SANBR: variants seen among roughly 807,000 people sequenced by gnomAD.
The protein encoded by SANBR is SANT and BTB domain regulator of CSR.
Under a neutral mutation model 101.8 loss-of-function variants are expected in SANBR, and 77 were observed. That is an observed-to-expected ratio of 0.76 (90% CI 0.63 to 0.91). SANBR has a LOEUF of 0.91. Ranked by LOEUF, SANBR falls within the 40% of genes least tolerant of loss-of-function variation. SANBR has a pLI of 0.00. For synonymous variants in SANBR, 279 were observed against 274.7 expected, an observed-to-expected ratio of 1.02 and a Z score of -0.15; for missense variants, 875 against 853.0, an observed-to-expected ratio of 1.03 and a Z score of -0.32.
intron 11 of SANBR, among the ~76,000 whole-genome samples, chr2:61,095,135 G>C (rs1410502643): frequency 1.3e-5 from 2 of 152,114 alleles, no homozygotes; most frequent in Non-Finnish European, 2.9e-5. Flanking sequence ...TAATCTAATA[G>C]GTGTGTAAAG....
chr2:61,096,616 A>G (rs965468103), intron 11 of SANBR, among the ~76,000 whole-genome samples: 2 of 151,916 alleles, frequency 1.3e-5, no homozygotes, highest in East Asian at 1.9e-4. Flanking sequence ...ATCTTGCTAC[A>G]TTGCCCAGGC....
intron 20 of SANBR, among the ~76,000 whole-genome samples, chr2:61,129,443 T>TAA (rs1684616404): frequency 9.1e-6 from 1 of 109,862 alleles, no homozygotes; most frequent in African/African-American, 3.7e-5. Flanking sequence ...AAACTCCATC[T>TAA]CAAAAAAAAA....
chr2:61,131,403 T>G (rs888847013), intron 20 of SANBR, among the ~76,000 whole-genome samples: 2 of 152,048 alleles, frequency 1.3e-5, no homozygotes, highest in African/African-American at 4.8e-5. Flanking sequence ...ATAGTAGCAA[T>G]GAAAAATCTA....
At chr2:61,099,856 A>C (rs76003809) in intron 12 of SANBR, among the ~76,000 whole-genome samples, 1 of 152,236 alleles carries the variant, frequency 6.6e-6, no homozygotes, top group East Asian at 1.9e-4. Flanking sequence ...TGTGGTGCCT[A>C]ATACTGCTAA....
chr2:61,129,706 A>T (rs962350715), intron 20 of SANBR, among the ~76,000 whole-genome samples: 2 of 152,164 alleles, frequency 1.3e-5, no homozygotes, highest in African/African-American at 4.8e-5. Context: ...ATACAGGAAC[A>T]AATGAAGAGA....
At chr2:61,088,983 A>C in intron 10 of SANBR, 1 of 898,158 alleles carries the variant, frequency 1.1e-6, no homozygotes. Context: ...TAAGTGTCAT[A>C]ATGTTTTACA....
At position 61,082,364 on chromosome 2, in the gene SANBR, C is replaced by T. The variant is rs189910389; in HGVS notation, c.730-790C>T. On this transcript the variant is annotated intron_variant, in intron 7 of 21. Coordinates refer to ENST00000402291, the MANE Select transcript of SANBR (RefSeq NM_001129993.3). ...ATTTGGAAGAATACATGATTATCCT[C>T]TCTTTACTTTTAAAGTAAATAAACA... 1.7e-4 allele frequency among the ~76,000 whole-genome samples: 26 copies of T among 152,258 alleles called. 1 individual carries two copies. The highest frequency in any genetic ancestry group is 1.6e-3 in the Admixed American group (24 of 15,290).
chr2:61,095,850 GTCCAAGGTTTCAC>G (rs1485951297), intron 11 of SANBR, among the ~76,000 whole-genome samples: 1 of 152,102 alleles, frequency 6.6e-6, no homozygotes, highest in East Asian at 1.9e-4. Context: ...CCTCCATCCA[GTCCAAGGTTTCAC>G]TTTTTCACCT....
rs1461820331 is a variant in SANBR at position 61,122,227 on chromosome 2, C to A, written c.*65C>A. ...TCTGGACATCTGAAATTGCTCACTT[C>A]TTGAAGATCTTCAGAACAATGACTT... On this transcript the variant is annotated 3_prime_UTR_variant, in exon 22 of 22. Transcript: ENST00000402291. The A allele has an allele frequency of 7.3e-6, 11 of 1,496,640 alleles. No homozygotes were observed. The East Asian group carries it at 2.5e-4, about 33-fold the overall frequency. 92.7% of individuals were successfully genotyped at this position (1,496,640 alleles called of 1,614,324 possible).
At chr2:61,083,550 C>T (rs1423982364) in intron 8 of SANBR, among the ~76,000 whole-genome samples, 34 of 146,958 alleles carry the variant, frequency 2.3e-4, no homozygotes, top group Non-Finnish European at 3.9e-4. Flanking sequence ...GAATGCACCA[C>T]CATGCCCAGC....
At chr2:61,066,672 C>G (rs1210938255) in intron 1 of SANBR, among the ~76,000 whole-genome samples, 4 of 152,232 alleles carry the variant, frequency 2.6e-5, no homozygotes, top group Non-Finnish European at 5.9e-5. Context: ...CTCTTCCCAT[C>G]TTTCCACTGG....
chr2:61,103,491 G>C (rs1377063343), intron 12 of SANBR, among the ~76,000 whole-genome samples: 1 of 152,140 alleles, frequency 6.6e-6, no homozygotes, highest in Non-Finnish European at 1.5e-5. Context: ...GTTTAGGAAT[G>C]CATCCTTAAG....
intron 17 of SANBR, 76 bp from the exon 18 acceptor site, chr2:61,117,281 T>C (rs1199002201): frequency 1.7e-5 from 23 of 1,347,840 alleles, no homozygotes; most frequent in Non-Finnish European, 2.4e-5. Context: ...AAGAGTGAAC[T>C]CTTTTTATTA....
intron 16 of SANBR, among the ~76,000 whole-genome samples, chr2:61,111,956 G>T (rs1683849235): frequency 6.6e-6 from 1 of 152,064 alleles, no homozygotes; most frequent in African/African-American, 2.4e-5. Context: ...CCAATTTCAT[G>T]GGCATATGGG....
chr2:61,122,444 C>G lies in SANBR; in HGVS notation c.*282C>G. On this transcript the variant is annotated 3_prime_UTR_variant, in exon 22 of 22. Coordinates refer to ENST00000402291, the MANE Select transcript of SANBR (RefSeq NM_001129993.3). ...CATAGTTGAGACTCCCAGTGTTTTC[C>G]TTTATTTATTTGAAAAAGAAAGGCC... 1 of 1,125,892 alleles carries G rather than the reference C, an allele frequency of 8.9e-7. No individual in the cohort carries two copies. The highest frequency in any genetic ancestry group is 1.1e-6 in the Non-Finnish European group (1 of 921,584). The allele number at this position is 1,125,892 out of a possible 1,614,324, so 69.7% of individuals were successfully genotyped here.
chr2:61,126,629 C>T (rs1192331307), downstream of SANBR, among the ~76,000 whole-genome samples: 1 of 152,078 alleles, frequency 6.6e-6, no homozygotes, highest in Non-Finnish European at 1.5e-5. Flanking sequence ...GGCAAAACCC[C>T]ATCTCTGTTA....
chr2:61,128,752 C>T (rs1237493805), downstream of SANBR, among the ~76,000 whole-genome samples: 1 of 152,118 alleles, frequency 6.6e-6, no homozygotes, highest in Non-Finnish European at 1.5e-5. Flanking sequence ...CCTCGGCCCC[C>T]CAGAGTGCTG....
In SANBR at chr2:61,122,256, A is replaced by T; in HGVS notation, c.*94A>T. 6.9e-7 allele frequency: 1 copy of T among 1,442,252 alleles called. No homozygotes were observed. Among genetic ancestry groups the T allele is most frequent in the Non-Finnish European group, 9.2e-7 (1 of 1,087,660 alleles). The allele number at this position is 1,442,252 out of a possible 1,614,324, so 89.3% of individuals were successfully genotyped here. A position where few individuals can be genotyped will look rare whatever the true frequency, so the allele number is the denominator to read the frequency against. ...AAGATCTTCAGAACAATGACTTCCA[A>T]CTGTTTTATGTTATTATTATTTTAA... On this transcript the variant is annotated 3_prime_UTR_variant, in exon 22 of 22. Coordinates refer to ENST00000402291, the MANE Select transcript of SANBR (RefSeq NM_001129993.3).
At chr2:61,071,565 A>C in intron 3 of SANBR, 41 bp from the exon 4 acceptor site, 1 of 1,393,784 alleles carries the variant, frequency 7.2e-7, no homozygotes. Context: ...AAAAAAAAAA[A>C]ATTCCCAAAC....
Sources: allele counts gnomAD v4.1 joint callset (sites outside exome capture counted in the v4.1 genomes callset), GRCh38; gene constraint gnomAD v4.1.1; transcripts MANE v1.5; gene names NCBI Gene and HGNC (gene_info 2026-07-23, HGNC 2026-07-21).